CPEB3: variants seen among roughly 807,000 people sequenced by gnomAD.
CPEB3 encodes cytoplasmic polyadenylation element binding protein 3.
In CPEB3, 20 loss-of-function variants were observed where a neutral mutation model predicts 67.2. The observed-to-expected ratio is 0.30, with a 90% CI of 0.21 to 0.43. The LOEUF (loss-of-function observed/expected upper bound fraction) is 0.43. Among genes scored for constraint, CPEB3 ranks in the 20% least tolerant of loss-of-function variants. The pLI is 1.00. For synonymous variants in CPEB3, 376 were observed against 393.1 expected, an observed-to-expected ratio of 0.96 and a Z score of 0.51; for missense variants, 746 against 968.6, an observed-to-expected ratio of 0.77 and a Z score of 3.05.
Position 92,244,446 on chromosome 10 carries a change from C to CTT in CPEB3, c.-11-4087_-11-4086dup, listed in dbSNP as rs369613347. Among the ~76,000 whole-genome samples, 123 of 150,208 alleles carry CTT rather than the reference C, an allele frequency of 8.2e-4. 2 individuals are homozygous for CTT. In the East Asian group the frequency reaches 0.021, roughly 26 times the overall value. ...TAAGACAAACAGTAGATACAGTTTTCTTTTTTTTTGAGATGGAGTCTCTCT... is the reference window on the plus strand; with the variant it reads ...TAAGACAAACAGTAGATACAGTTTTCTTTTTTTTTTTGAGATGGAGTCTCTCT... On this transcript the variant is annotated intron_variant, in intron 1 of 9. Transcript: ENST00000265997.
chr10:92,160,566 A>C (rs1012503278), intron 4 of CPEB3, among the ~76,000 whole-genome samples: 4 of 152,116 alleles, frequency 2.6e-5, no homozygotes, highest in African/African-American at 9.7e-5. Flanking sequence ...CCCAATGAAA[A>C]ATCTTTATTG....
At chr10:92,110,100 C>T (rs1443904469) in intron 7 of CPEB3, among the ~76,000 whole-genome samples, 2 of 152,160 alleles carry the variant, frequency 1.3e-5, no homozygotes, top group African/African-American at 2.4e-5. Flanking sequence ...TTATTCAAAG[C>T]CAAGCAGATA....
At chr10:92,106,191 C>A (rs890191284) in intron 7 of CPEB3, among the ~76,000 whole-genome samples, 3 of 152,002 alleles carry the variant, frequency 2.0e-5, no homozygotes, top group Admixed American at 1.3e-4. Context: ...CTGCACCCAG[C>A]CTATACTTAT....
chr10:92,230,078 T>C (rs1851196050), intron 2 of CPEB3, among the ~76,000 whole-genome samples: 1 of 151,664 alleles, frequency 6.6e-6, no homozygotes, highest in Non-Finnish European at 1.5e-5. Flanking sequence ...GAATGGAGAA[T>C]CCGTCACAAA....
chr10:92,059,680 G>A (rs1339122676), intron 9 of CPEB3, among the ~76,000 whole-genome samples: 3 of 152,082 alleles, frequency 2.0e-5, no homozygotes, highest in African/African-American at 7.2e-5. Flanking sequence ...AAACAAAACT[G>A]ACAAACTTTT....
intron 8 of CPEB3, among the ~76,000 whole-genome samples, chr10:92,089,076 C>A (rs1374920292): frequency 6.6e-6 from 1 of 152,142 alleles, no homozygotes; most frequent in Non-Finnish European, 1.5e-5. Flanking sequence ...GCCAGTAATA[C>A]AGTAGATGCT....
chr10:92,189,465 T>C (rs1305739069), intron 3 of CPEB3, among the ~76,000 whole-genome samples: 1 of 152,138 alleles, frequency 6.6e-6, no homozygotes, highest in Non-Finnish European at 1.5e-5. Flanking sequence ...ACTCACTCTA[T>C]GAAGTAGGGA....
At chr10:92,256,167 T>C (rs1429814398) in intron 1 of CPEB3, among the ~76,000 whole-genome samples, 1 of 152,138 alleles carries the variant, frequency 6.6e-6, no homozygotes, top group African/African-American at 2.4e-5. Context: ...TCCTGCCTCC[T>C]AAATTTCTGA....
chr10:92,153,411 A>AT (rs1217991570), intron 4 of CPEB3, among the ~76,000 whole-genome samples: 1 of 152,052 alleles, frequency 6.6e-6, no homozygotes, highest in Non-Finnish European at 1.5e-5. Flanking sequence ...CATTCTTTGT[A>AT]TTTTTTCATT....
chr10:92,190,441 G>A (rs1170719267), intron 3 of CPEB3, among the ~76,000 whole-genome samples: 3 of 151,652 alleles, frequency 2.0e-5, no homozygotes, highest in Admixed American at 2.0e-4. Context: ...CGAGGCAGGT[G>A]GATCACCTAA....
chr10:92,118,904 C>G (rs1464966010), intron 6 of CPEB3: 3 of 982,846 alleles, frequency 3.1e-6, no homozygotes, highest in South Asian at 1.3e-5. Context: ...AGGGGCCTCT[C>G]TTTTTGGCAT....
intron 1 of CPEB3, among the ~76,000 whole-genome samples, chr10:92,280,367 A>AAAAAAAAAAAAAAG (rs1842216508): frequency 7.7e-6 from 1 of 129,356 alleles, no homozygotes. Flanking sequence ...AAAAAAAAAA[A>AAAAAAAAAAAAAAG]AGAGAGAGAG....
intron 2 of CPEB3, among the ~76,000 whole-genome samples, chr10:92,218,610 A>C (rs917311020): frequency 1.3e-5 from 2 of 152,208 alleles, no homozygotes; most frequent in African/African-American, 4.8e-5. Context: ...AATGAAAACC[A>C]TTACAAGCAT....
rs374326036 is a variant in CPEB3, at chr10:92,104,180, T to C, written c.1572+6896A>G. On this transcript the variant is annotated intron_variant, in intron 7 of 9. Coordinates refer to ENST00000265997, the MANE Select transcript of CPEB3 (RefSeq NM_014912.5). ...ATTAAAAGACAAAATGGATATACAA[T>C]GCACAAAGTAAGTGCTCAAAAAATG... Among the ~76,000 whole-genome samples the C allele has an allele frequency of 3.3e-5, 5 of 152,184 alleles. No individual in the cohort carries two copies. The South Asian group carries it at 8.3e-4, about 25-fold the overall frequency.
At chr10:92,166,197 C>T (rs1331667059) in intron 4 of CPEB3, among the ~76,000 whole-genome samples, 1 of 151,652 alleles carries the variant, frequency 6.6e-6, no homozygotes, top group African/African-American at 2.4e-5. Context: ...CCACTTCCGT[C>T]TCCCGGGTTC....
intron 1 of CPEB3, among the ~76,000 whole-genome samples, chr10:92,290,407 G>C (rs1462824984): frequency 1.3e-5 from 2 of 151,826 alleles, no homozygotes; most frequent in East Asian, 3.9e-4. Flanking sequence ...GGTTAACAGT[G>C]ACCAGCAGCA....
chr10:92,225,592 A>G (rs149141643), intron 2 of CPEB3, among the ~76,000 whole-genome samples: 8 of 152,284 alleles, frequency 5.3e-5, no homozygotes, highest in African/African-American at 1.9e-4. Flanking sequence ...GATTGTTAAC[A>G]TTTTGTTATA....
chr10:92,274,729 T>C (rs951916124), intron 1 of CPEB3, among the ~76,000 whole-genome samples: 1 of 152,098 alleles, frequency 6.6e-6, no homozygotes, highest in Admixed American at 6.6e-5. Context: ...TAATCCCAGC[T>C]ACTCAGGAGG....
Position 92,239,563 on chromosome 10 carries a change from T to G in CPEB3, c.788A>C (p.Gln263Pro). ...CGCCCGGCGAGGGTCCCGGCCCGCC[T>G]GCAGGCCGCCCCAGGGGTTGGACGG... ...SAPSNPWGGL[Q>P]AGRDPRRAVG... Residue 263 changes from glutamine (Q) to proline (P), a missense_variant, in exon 2 of 10, where the codon CAG (glutamine) becomes CCG (proline). This residue lies in a region of CPEB3 where 643 missense variants were observed against 717.5 expected (regional missense o/e 0.90). Transcript: ENST00000265997. This position sits in a 1 kb window ranked among gnomAD's most constrained non-coding sequence, Gnocchi z 6.0. The G allele has an allele frequency of 6.4e-7, 1 of 1,555,524 alleles. No individual in the cohort carries two copies. The highest frequency in any genetic ancestry group is 8.7e-7 in the Non-Finnish European group (1 of 1,149,066).
Sources: allele counts gnomAD v4.1 joint callset (sites outside exome capture counted in the v4.1 genomes callset), GRCh38; gene constraint gnomAD v4.1.1; regional missense constraint gnomAD v4.1.1; non-coding constraint Gnocchi (gnomAD v3.1); transcripts MANE v1.5; gene names NCBI Gene and HGNC (gene_info 2026-07-23, HGNC 2026-07-21).